Variants in HEXA observed in about 807,000 individuals in gnomAD.
HEXA encodes beta-hexosaminidase subunit alpha.
In HEXA, 54 loss-of-function variants were observed where a neutral mutation model predicts 73.3. The ratio of observed to expected loss-of-function variants is 0.74; its 90% CI spans 0.59 to 0.92. The LOEUF (loss-of-function observed/expected upper bound fraction) is 0.92, where lower values mean the gene tolerates loss of function less well. Among genes scored for constraint, HEXA ranks in the 40% least tolerant of loss-of-function variants. The probability of loss-of-function intolerance (pLI) is 0.00; values close to 1 mark genes in which losing one functional copy is unlikely to be tolerated. For missense variants in HEXA, 649 were observed against 653.0 expected, an observed-to-expected ratio of 0.99 and a Z score of 0.07; for synonymous variants, 230 against 246.9, an observed-to-expected ratio of 0.93 and a Z score of 0.64.
intron 13 of HEXA, among the ~76,000 whole-genome samples, chr15:72,344,761 T>A (rs2088588144): frequency 6.6e-6 from 1 of 152,198 alleles, no homozygotes; most frequent in Non-Finnish European, 1.5e-5. Context: ...AGCCCAGGAC[T>A]CTGCTCTGCA....
chr15:72,367,796 G>A (rs1299517098), intron 1 of HEXA, among the ~76,000 whole-genome samples: 6 of 152,124 alleles, frequency 3.9e-5, no homozygotes, highest in South Asian at 2.1e-4. Context: ...CCTTTTCCAC[G>A]CGCAGTTCTT....
Position 72,355,554 on chromosome 15 carries a change from G to T in HEXA, c.412+5C>A, listed in dbSNP as rs2088765141. 1 of 1,592,244 alleles carries T rather than the reference G, an allele frequency of 6.3e-7. No homozygotes were observed. The highest frequency in any genetic ancestry group is 1.7e-5 in the Admixed American group (1 of 59,972). ...TCTCTCTTTTAATCAGCCCCAATTTGTTACCTCGGAGAGCTCCCCAGACAG... is the reference window on the plus strand; with the variant it reads ...TCTCTCTTTTAATCAGCCCCAATTTTTTACCTCGGAGAGCTCCCCAGACAG... On this transcript the variant is annotated splice_donor_5th_base_variant and intron_variant, in intron 3 of 13. Coordinates refer to ENST00000268097, the MANE Select transcript of HEXA (RefSeq NM_000520.6).
rs2140324675 is a variant in HEXA at position 72,351,172 on chromosome 15, G to A, written c.633C>T (p.Phe211=). 6.2e-7 allele frequency: 1 copy of A among 1,613,024 alleles called. No individual in the cohort carries two copies. The highest frequency in any genetic ancestry group is 1.1e-5 in the South Asian group (1 of 91,060). The part of the protein sequence containing the change: ...FHWHLVDDPS[F]PYESFTFPEL... ...CTGGAAAAGTGAAGCTCTCATATGG[G>A]AAGGAAGGATCATCTACCAGATGCC... The change falls in exon 6 of 14, where the codon TTC becomes TTT. Residue 211 remains phenylalanine, a synonymous_variant. Coordinates refer to ENST00000268097, the MANE Select transcript of HEXA (RefSeq NM_000520.6).
chr15:72,349,106 C>G lies in HEXA; in HGVS notation c.959G>C (p.Gly320Ala). The change falls in exon 8 of 14, where the codon GGA becomes GCA. Residue 320 changes from glycine (G) to alanine (A), a missense_variant. Transcript: ENST00000268097. ...GCAGGTGAAATCAACCTCATCTCCT[C>G]CAAGATGAAGATAAAAATCTGGGAA... is the stretch of plus-strand genomic sequence containing the variant. The part of the protein sequence containing the change: ...SVFPDFYLHL[G>A]GDEVDFTCWK... 1 of 1,613,812 alleles carries G rather than the reference C, an allele frequency of 6.2e-7. No homozygotes were observed. Among genetic ancestry groups the G allele is most frequent in the Non-Finnish European group, 8.5e-7 (1 of 1,179,790 alleles).
At chr15:72,359,693 CAAAAAAAAAAA>C (rs71133986) in intron 1 of HEXA, 2 of 17,560 alleles carry the variant, frequency 1.1e-4, no homozygotes, top group Non-Finnish European at 9.3e-5. Context: ...GAAACTGTCT[CAAAAAAAAAAA>C]AAAAAAAAAA....
intron 1 of HEXA, among the ~76,000 whole-genome samples, chr15:72,363,206 T>C (rs562040876): frequency 6.6e-6 from 1 of 152,346 alleles, no homozygotes; most frequent in East Asian, 1.9e-4. Context: ...GCATTTAATG[T>C]GCATCAGGAA....
chr15:72,347,611 T>C, intron 10 of HEXA, 75 bp downstream of exon 10: 1 of 1,155,278 alleles, frequency 8.7e-7, no homozygotes, highest in African/African-American at 1.5e-5. Context: ...TCAGTCTCTG[T>C]AGAGGCAGGG....
chr15:72,348,016 A>G, intron 9 of HEXA, 32 bp downstream of exon 9: 1 of 1,497,716 alleles, frequency 6.7e-7, no homozygotes, highest in Non-Finnish European at 9.3e-7. Context: ...AGGACCCCCA[A>G]GGGACCCCAC....
In HEXA at chr15:72,375,872, T is replaced by C. The variant is rs1555475512; in HGVS notation, c.101A>G (p.Asp34Gly). 1 of 1,614,204 alleles carries C rather than the reference T, an allele frequency of 6.2e-7. No individual in the cohort carries two copies. Residue 34 changes from aspartate to glycine, a missense_variant, in exon 1 of 14, where the codon GAC (aspartate) becomes GGC (glycine). Transcript: ENST00000268097. ...GTTCGGGTAAAGGACGTAGCGCTGG[T>C]CGGAGGTTTGGAAGTTCTGAGGCCA... ...WPWPQNFQTS[D>G]QRYVLYPNNF...
At chr15:72,356,188 T>C (rs146248064) in intron 2 of HEXA, among the ~76,000 whole-genome samples, 219 of 152,278 alleles carry the variant, frequency 1.4e-3, no homozygotes, top group African/African-American at 4.7e-3. Context: ...TCAGTATAAG[T>C]GACCAGAACC....
chr15:72,346,218 C>A lies in HEXA; in HGVS notation c.1421+17G>T. 2 of 1,597,458 alleles carry A rather than the reference C, an allele frequency of 1.3e-6. No homozygotes were observed. The highest frequency in any genetic ancestry group is 2.2e-5 in the East Asian group (1 of 44,792). On this transcript the variant is annotated intron_variant, in intron 12 of 13. Coordinates refer to ENST00000268097, the MANE Select transcript of HEXA (RefSeq NM_000520.6). Reference sequence around the variant, plus strand: ...CTCTCAGGCCCAACCCTCCACCTCCCCCCCGAAAACCCTTACCAGAGCCTG... The same window carrying A: ...CTCTCAGGCCCAACCCTCCACCTCCACCCCGAAAACCCTTACCAGAGCCTG...
At chr15:72,345,222 A>C (rs1487340450) in intron 13 of HEXA, 2 of 723,298 alleles carry the variant, frequency 2.8e-6, no homozygotes, top group Non-Finnish European at 4.3e-6. Context: ...TATAAATGCT[A>C]TGTAAATAGT....
rs2089060994 is a variant in HEXA, at chr15:72,375,931, T to C, written c.42A>G (p.Ala14=). ...SRLWFSLLLA[A]AFAGRATALW... Reference sequence around the variant, plus strand: ...GGGCCGTCGCCCGTCCTGCGAACGCTGCCGCCAGCAGCAGCGAAAACCAAA... The same window carrying C: ...GGGCCGTCGCCCGTCCTGCGAACGCCGCCGCCAGCAGCAGCGAAAACCAAA... Residue 14 remains alanine, a synonymous_variant, in exon 1 of 14, where the codon GCA becomes GCG. Coordinates refer to ENST00000268097, the MANE Select transcript of HEXA (RefSeq NM_000520.6). The C allele has an allele frequency of 6.2e-7, 1 of 1,614,008 alleles. No homozygotes were observed. Among genetic ancestry groups the C allele is most frequent in the African/African-American group, 1.3e-5 (1 of 75,012 alleles).
Position 72,355,620 on chromosome 15 carries a change from G to A in HEXA, c.351C>T (p.Thr117=). The A allele has an allele frequency of 6.2e-7, 1 of 1,607,622 alleles. No individual in the cohort carries two copies. Among genetic ancestry groups the A allele is most frequent in the Non-Finnish European group, 8.5e-7 (1 of 1,174,364 alleles). ...LPTLESVENY[T]LTINDDQCLL... Reference sequence around the variant, plus strand: ...AACACTGGTCATCATTTATGGTCAGGGTATCTGAAATGACAGAAATGAACT... The same window carrying A: ...AACACTGGTCATCATTTATGGTCAGAGTATCTGAAATGACAGAAATGAACT... The change falls in exon 3 of 14, where the codon ACC becomes ACT. Residue 117 remains threonine, a synonymous_variant. Coordinates refer to ENST00000268097, the MANE Select transcript of HEXA (RefSeq NM_000520.6).
In HEXA at chr15:72,351,383, TC is replaced by T. The variant is rs2088694163; in HGVS notation, c.571-150del. On this transcript the variant is annotated intron_variant, in intron 5 of 13. Transcript: ENST00000268097. ...CTCAATTAAGTATTTATGGGGTCTA[TC>T]AAACCTTCCCATCAGGGAGGGATGG... 4 of 697,820 alleles carry T rather than the reference TC, an allele frequency of 5.7e-6. No homozygotes were observed. The South Asian group carries it at 6.1e-5, about 11-fold the overall frequency. The allele number at this position is 697,820 out of a possible 1,614,324, so 43.2% of individuals were successfully genotyped here. A position where few individuals can be genotyped will look rare whatever the true frequency, so the allele number is the denominator to read the frequency against.
chr15:72,353,092 T>A lies in HEXA; in HGVS notation c.546A>T (p.Pro182=). The A allele has an allele frequency of 1.2e-6, 2 of 1,611,718 alleles. No individual in the cohort carries two copies. Among genetic ancestry groups the A allele is most frequent in the Non-Finnish European group, 1.7e-6 (2 of 1,177,956 alleles). ...CCAGAGTGTCCAGGATGCTAGAGAG[T>A]GGCAGGTAATGGCGAGATGTATCCA... ...LLLDTSRHYL[P]LSSILDTLDV... Residue 182 remains proline (P), a synonymous_variant, in exon 5 of 14, where the codon CCA becomes CCT. Transcript: ENST00000268097.
Position 72,344,150 on chromosome 15 carries a change from G to T in HEXA, c.1527-10C>A. 1 of 1,612,918 alleles carries T rather than the reference G, an allele frequency of 6.2e-7. No homozygotes were observed. Among genetic ancestry groups the T allele is most frequent in the Non-Finnish European group, 8.5e-7 (1 of 1,179,026 alleles). On this transcript the variant is annotated splice_polypyrimidine_tract_variant and intron_variant, in intron 13 of 13. Coordinates refer to ENST00000268097, the MANE Select transcript of HEXA (RefSeq NM_000520.6). The stretch of plus-strand genomic sequence containing the variant: ...GGCCTGGACACCTCGCCTGCAAGAG[G>T]ACATGAAGAAATGGCAAGATAAGCC...
At chr15:72,350,090 G>A in intron 7 of HEXA, 2 of 265,596 alleles carry the variant, frequency 7.5e-6, no homozygotes, top group South Asian at 8.6e-5. Context: ...TATCAGGCCA[G>A]TAGCCCTTTT....
intron 13 of HEXA, 99 bp downstream of exon 13, chr15:72,345,347 G>C (rs2088595883): frequency 1.9e-6 from 3 of 1,564,356 alleles, no homozygotes; most frequent in Non-Finnish European, 1.7e-6. Flanking sequence ...GCCTCTGTAA[G>C]TGTTAGCTAT....
Sources: allele counts gnomAD v4.1 joint callset (sites outside exome capture counted in the v4.1 genomes callset), GRCh38; gene constraint gnomAD v4.1.1; transcripts MANE v1.5; gene names NCBI Gene and HGNC (gene_info 2026-07-23, HGNC 2026-07-21).